SBNO2: variants seen among roughly 807,000 people sequenced by gnomAD.
The protein encoded by SBNO2 is protein strawberry notch homolog 2.
A neutral mutation model predicts 146.3 loss-of-function variants in SBNO2; 89 were observed. That is an observed-to-expected ratio of 0.61 (90% CI 0.51 to 0.73). SBNO2 has a LOEUF of 0.73. Ranked by LOEUF, SBNO2 falls within the 30% of genes least tolerant of loss-of-function variation. The pLI is 0.00. For synonymous variants in SBNO2, 1,147 were observed against 892.6 expected (o/e 1.29, Z -5.08); for missense variants, 2,092 against 2,003.7 (o/e 1.04, Z -0.84).
At position 1,112,305 on chromosome 19, in the gene SBNO2, G is replaced by A. The variant is rs1262662103; in HGVS notation, c.2516-4C>T. ...TGGTTGGACCGGTGGGTGCGGCCTG[G>A]GGGCAGAGCTGCTCTCAGGGCCCGG... On this transcript the variant is annotated splice_region_variant and splice_polypyrimidine_tract_variant and intron_variant, in intron 21 of 31. Coordinates refer to ENST00000361757, the MANE Select transcript of SBNO2 (RefSeq NM_014963.3). This position sits in a 1 kb window ranked among gnomAD's most constrained non-coding sequence, Gnocchi z 5.9. The A allele has an allele frequency of 1.9e-6, 3 of 1,580,960 alleles. No individual in the cohort carries two copies. Among genetic ancestry groups the A allele is most frequent in the Admixed American group, 1.8e-5 (1 of 55,540 alleles).
rs1568632856 is a variant in SBNO2 at position 1,158,314 on chromosome 19, C to T, written c.-126-3912G>A. Among the ~76,000 whole-genome samples, 1 of 152,198 alleles carries T rather than the reference C, an allele frequency of 6.6e-6. No homozygotes were observed. Among genetic ancestry groups the T allele is most frequent in the Non-Finnish European group, 1.5e-5 (1 of 68,030 alleles). ...CTCGGAGCCCGGTTCTCCTGCCGTC[C>T]TCTCGCCGAGCAGGGTTGTGACCCC... On this transcript the variant is annotated intron_variant, in intron 1 of 31. Coordinates refer to ENST00000361757, the MANE Select transcript of SBNO2 (RefSeq NM_014963.3). The surrounding 1 kb of genome is among the most constrained non-coding windows in gnomAD (Gnocchi z 9.9).
chr19:1,126,028 T>G lies in SBNO2; in HGVS notation c.441+1576A>C, dbSNP rs896927779. Among the ~76,000 whole-genome samples, 1 of 152,080 alleles carries G rather than the reference T, an allele frequency of 6.6e-6. No individual in the cohort carries two copies. Among genetic ancestry groups the G allele is most frequent in the Non-Finnish European group, 1.5e-5 (1 of 68,028 alleles). ...AAGTAAATAAATAAATAAGAGCATC[T>G]CTTCTAGACCCGGTCCCCCCCTTGA... On this transcript the variant is annotated intron_variant, in intron 5 of 31. Coordinates refer to ENST00000361757, the MANE Select transcript of SBNO2 (RefSeq NM_014963.3). The surrounding 1 kb of genome is among the most constrained non-coding windows in gnomAD (Gnocchi z 4.4).
rs1313961271 is a variant in SBNO2, at chr19:1,140,163, G to A, written c.279+7146C>T. 6.6e-6 allele frequency among the ~76,000 whole-genome samples: 1 copy of A among 151,912 alleles called. No homozygotes were observed. The highest frequency in any genetic ancestry group is 1.5e-5 in the Non-Finnish European group (1 of 67,964). The stretch of plus-strand genomic sequence containing the variant: ...AAAACACAAAAAATTAGCTGGGCGT[G>A]GTGGTGGGCACCTGTAGTCCCAGCT... On this transcript the variant is annotated intron_variant, in intron 4 of 31. Transcript: ENST00000361757. This position sits in a 1 kb window ranked among gnomAD's most constrained non-coding sequence, Gnocchi z 4.4.
rs1046355655 is a variant in SBNO2, at chr19:1,158,905, C to G, written c.-126-4503G>C. Among the ~76,000 whole-genome samples the G allele has an allele frequency of 1.4e-5, 2 of 148,046 alleles. No homozygotes were observed. The highest frequency in any genetic ancestry group is 3.1e-5 in the Non-Finnish European group (2 of 65,182). ...TGACCGCCGCCCCACAGCCGCGACCCCACCTGCAGCCGTGACCCCACCTGC... is the reference window on the plus strand; with the variant it reads ...TGACCGCCGCCCCACAGCCGCGACCGCACCTGCAGCCGTGACCCCACCTGC... On this transcript the variant is annotated intron_variant, in intron 1 of 31. Coordinates refer to ENST00000361757, the MANE Select transcript of SBNO2 (RefSeq NM_014963.3). This position sits in a 1 kb window ranked among gnomAD's most constrained non-coding sequence, Gnocchi z 9.9.
At chr19:1,147,009 A>G (rs111538106) in intron 4 of SBNO2, among the ~76,000 whole-genome samples, 3,434 of 152,232 alleles carry the variant, frequency 0.023, 143 homozygotes, top group African/African-American at 0.079. Flanking sequence ...TGCCAAGGGC[A>G]TCTCTCCCAG....
In SBNO2 at chr19:1,108,370, C is replaced by A; in HGVS notation, c.3951G>T (p.Glu1317Asp). 3 of 1,291,426 alleles carry A rather than the reference C, an allele frequency of 2.3e-6. No homozygotes were observed. The highest frequency in any genetic ancestry group is 3.0e-6 in the Non-Finnish European group (3 of 1,013,778). 80.0% of individuals were successfully genotyped at this position (1,291,426 alleles called of 1,614,324 possible). ...CCGCGTGCAGCGAGCGCAGCATGTC[C>A]TCCAGCACCTCCTTGAAGTTGATGT... is the stretch of plus-strand genomic sequence containing the variant. ...GCDINFKEVL[E>D]DMLRSLHAGP... Residue 1317 changes from glutamate to aspartate, a missense_variant, in exon 32 of 32, where the codon GAG (glutamate) becomes GAT (aspartate). Physicochemically the swap from Glu to Asp is conservative, Grantham distance 45. Coordinates refer to ENST00000361757, the MANE Select transcript of SBNO2 (RefSeq NM_014963.3).
At chr19:1,111,383 G>A (rs1227580463) in intron 24 of SBNO2, 123 bp downstream of exon 24, 20 of 763,418 alleles carry the variant, frequency 2.6e-5, no homozygotes, top group Middle Eastern at 3.6e-4. Context: ...CTCTCTGTCC[G>A]TGTGTGGGGA....
intron 1 of SBNO2, among the ~76,000 whole-genome samples, chr19:1,162,492 G>A (rs1435343903): frequency 6.6e-6 from 1 of 151,656 alleles, no homozygotes; most frequent in Non-Finnish European, 1.5e-5. Flanking sequence ...TTGGGGGCAG[G>A]AGCCTGGATC....
intron 14 of SBNO2, among the ~76,000 whole-genome samples, chr19:1,118,087 G>A (rs62131219): frequency 0.18 from 27,046 of 152,240 alleles, 2,784 homozygotes; most frequent in Non-Finnish European, 0.22. Context: ...TGTAATCACA[G>A]CACTTTGGGA....
In SBNO2 at chr19:1,123,970, T is replaced by C. The variant is rs535571302; in HGVS notation, c.494A>G (p.His165Arg). ...GTAGCTGACGAGAAGCGGGGTGCTG[T>C]GGGAGGGCAGAAAGTCCTCGAAGCC... The part of the protein sequence containing the change: ...FAGFEDFLPS[H>R]STPLLVSYQE... Residue 165 changes from histidine (H) to arginine (R), a missense_variant, in exon 6 of 32, where the codon CAC (histidine) becomes CGC (arginine). Coordinates refer to ENST00000361757, the MANE Select transcript of SBNO2 (RefSeq NM_014963.3). The C allele has an allele frequency of 1.2e-6, 2 of 1,611,794 alleles. No homozygotes were observed. Among genetic ancestry groups the C allele is most frequent in the South Asian group, 2.2e-5 (2 of 90,740 alleles).
intron 1 of SBNO2, among the ~76,000 whole-genome samples, chr19:1,166,902 G>A (rs1308825303): frequency 6.6e-6 from 1 of 152,160 alleles, no homozygotes; most frequent in Admixed American, 6.6e-5. Context: ...TCCCCACCTG[G>A]CTCCTTGGGG....
intron 4 of SBNO2, among the ~76,000 whole-genome samples, chr19:1,132,540 T>C (rs1025538428): frequency 2.6e-5 from 4 of 152,138 alleles, no homozygotes; most frequent in Non-Finnish European, 5.9e-5. Flanking sequence ...CTGGGTTCCG[T>C]TCCACGGGGA....
At position 1,154,395 on chromosome 19, in the gene SBNO2, A is replaced by T. The variant is rs1233294035; in HGVS notation, c.-119T>A. On this transcript the variant is annotated 5_prime_UTR_variant, in exon 2 of 32. An upstream start codon of the reference 5' UTR is lost. Transcript: ENST00000361757. Reference sequence around the variant, plus strand: ...CCGTGGTGGCGGCGGTGGCGGCAGCATCATGATCTGCAGAGGGAGACGGGG... The same window carrying T: ...CCGTGGTGGCGGCGGTGGCGGCAGCTTCATGATCTGCAGAGGGAGACGGGG... 5 of 454,038 alleles carry T rather than the reference A, an allele frequency of 1.1e-5. No homozygotes were observed. The highest frequency in any genetic ancestry group is 1.8e-5 in the Non-Finnish European group (5 of 278,604). 28.1% of individuals were successfully genotyped at this position (454,038 alleles called of 1,614,324 possible). A position where few individuals can be genotyped will look rare whatever the true frequency, so the allele number is the denominator to read the frequency against.
intron 4 of SBNO2, chr19:1,128,186 A>C: frequency 2.0e-6 from 1 of 489,910 alleles, no homozygotes; most frequent in Non-Finnish European, 4.1e-6. Flanking sequence ...ACCAACCCTC[A>C]GGGCCACGCA....
At position 1,123,614 on chromosome 19, in the gene SBNO2, T is replaced by C. The variant is rs767882685; in HGVS notation, c.548A>G (p.Glu183Gly). ...YQEQSVQSQPEEEDEAEEEEA... is the reference protein window; with the variant it reads ...YQEQSVQSQPGEEDEAEEEEA... ...CTCCTCCTCAGCCTCGTCCTCCTCCTCTGGCTGGCTCTGCACACTCTGCTC... is the reference window on the plus strand; with the variant it reads ...CTCCTCCTCAGCCTCGTCCTCCTCCCCTGGCTGGCTCTGCACACTCTGCTC... The change falls in exon 7 of 32, where the codon GAG becomes GGG. Residue 183 changes from glutamate to glycine, a missense_variant. Coordinates refer to ENST00000361757, the MANE Select transcript of SBNO2 (RefSeq NM_014963.3). The C allele has an allele frequency of 1.2e-6, 2 of 1,613,108 alleles. No individual in the cohort carries two copies. Among genetic ancestry groups the C allele is most frequent in the Non-Finnish European group, 1.7e-6 (2 of 1,179,706 alleles).
At position 1,108,208 on chromosome 19, in the gene SBNO2, C is replaced by T. The variant is rs1401809218; in HGVS notation, c.*12G>A. 2.0e-6 allele frequency: 3 copies of T among 1,526,074 alleles called. No individual in the cohort carries two copies. The highest frequency in any genetic ancestry group is 2.6e-5 in the East Asian group (1 of 38,158). 94.5% of individuals were successfully genotyped at this position (1,526,074 alleles called of 1,614,324 possible). ...TCCCTGTGTCTTGGGGCATGTTTCG[C>T]CTAAAGGCGTGTCAGAGAGGAGCCT... On this transcript the variant is annotated 3_prime_UTR_variant, in exon 32 of 32. Coordinates refer to ENST00000361757, the MANE Select transcript of SBNO2 (RefSeq NM_014963.3).
At chr19:1,120,681 T>G (rs1459181286) in intron 11 of SBNO2, among the ~76,000 whole-genome samples, 4 of 152,078 alleles carry the variant, frequency 2.6e-5, no homozygotes, top group African/African-American at 4.8e-5. Context: ...ATTCTTTGTT[T>G]TTTTTTGAGA....
At chr19:1,111,955 T>C (rs1599823378) in intron 23 of SBNO2, 41 bp downstream of exon 23, 27 of 836,954 alleles carry the variant, frequency 3.2e-5, no homozygotes, top group Non-Finnish European at 3.3e-5. Context: ...CCTAGACCCC[T>C]GCCCCTGCCC....
rs1341057481 is a variant in SBNO2, at chr19:1,155,352, C to T, written c.-126-950G>A. Among the ~76,000 whole-genome samples, 4 of 152,198 alleles carry T rather than the reference C, an allele frequency of 2.6e-5. No homozygotes were observed. The East Asian group carries it at 7.7e-4, about 29-fold the overall frequency. On this transcript the variant is annotated intron_variant, in intron 1 of 31. Transcript: ENST00000361757. The stretch of plus-strand genomic sequence containing the variant: ...CAACAGGGGCTGGGGGTCGGGACTC[C>T]TGTCCCAGAGACCAGATGGAGGTGG...
Sources: allele counts gnomAD v4.1 joint callset (sites outside exome capture counted in the v4.1 genomes callset), GRCh38; gene constraint gnomAD v4.1.1; non-coding constraint Gnocchi (gnomAD v3.1); transcripts MANE v1.5; gene names NCBI Gene and HGNC (gene_info 2026-07-23, HGNC 2026-07-21).